SMG1: variants seen among roughly 807,000 people sequenced by gnomAD.
SMG1 encodes serine/threonine-protein kinase SMG1.
Under a neutral mutation model 419.9 loss-of-function variants are expected in SMG1, and 22 were observed. That is an observed-to-expected ratio of 0.05 (90% confidence interval 0.04 to 0.07). SMG1 has a LOEUF of 0.07. Ranked by LOEUF, SMG1 falls within the 10% of genes least tolerant of loss-of-function variation. The pLI is 1.00. For synonymous variants in SMG1, 1,538 were observed against 1,553.5 expected, an observed-to-expected ratio of 0.99 and a Z score of 0.23; for missense variants, 3,185 against 4,342.0, an observed-to-expected ratio of 0.73 and a Z score of 7.49.
rs1215625865 is a variant in SMG1, at chr16:18,805,455, G to A, written c.*4114C>T. On this transcript the variant is annotated 3_prime_UTR_variant, in exon 63 of 63. Coordinates refer to ENST00000446231, the MANE Select transcript of SMG1 (RefSeq NM_015092.5). The stretch of plus-strand genomic sequence containing the variant: ...TCCCATGGAAGGCAAACGACCCTAA[G>A]TAGTTCATATTTTACAGCCCTTGAA... 2 of 152,138 alleles carry A rather than the reference G, an allele frequency of 1.3e-5. No homozygotes were observed. The highest frequency in any genetic ancestry group is 4.1e-4 in the South Asian group (2 of 4,828). 9.4% of individuals were successfully genotyped at this position (152,138 alleles called of 1,614,324 possible). A position where few individuals can be genotyped will look rare whatever the true frequency, so the allele number is the denominator to read the frequency against.
At chr16:18,870,952 T>C in intron 16 of SMG1, 64 bp from the exon 17 acceptor site, 1 of 783,814 alleles carries the variant, frequency 1.3e-6, no homozygotes, top group Non-Finnish European at 2.1e-6. Context: ...CAGTTTGTCA[T>C]AATTATCTGA....
chr16:18,919,788 G>A lies in SMG1; in HGVS notation c.92+6162C>T, dbSNP rs775657866. On this transcript the variant is annotated intron_variant, in intron 1 of 62. Coordinates refer to ENST00000446231, the MANE Select transcript of SMG1 (RefSeq NM_015092.5). Reference sequence around the variant, plus strand: ...AACAAACCTTCCATTATACTAATTTGTAAAGGAATCAAAACAAAAGGGGTT... The same window carrying A: ...AACAAACCTTCCATTATACTAATTTATAAAGGAATCAAAACAAAAGGGGTT... 9.3e-5 allele frequency among the ~76,000 whole-genome samples: 14 copies of A among 151,256 alleles called. 1 individual carries two copies. The South Asian group carries it at 2.3e-3, about 25-fold the overall frequency.
chr16:18,832,809 G>C (rs1302121558), intron 51 of SMG1, 131 bp downstream of exon 51: 1 of 769,530 alleles, frequency 1.3e-6, no homozygotes, highest in South Asian at 1.7e-5. Context: ...AAAGATACGT[G>C]TATGAGCATT....
chr16:18,887,484 G>A (rs9924137), intron 6 of SMG1, among the ~76,000 whole-genome samples: 12,827 of 146,576 alleles, frequency 0.088, 710 homozygotes, highest in African/African-American at 0.16. Flanking sequence ...GACTACAGGT[G>A]CATGCCACCA....
intron 1 of SMG1, among the ~76,000 whole-genome samples, chr16:18,907,720 G>A (rs1043921989): frequency 1.3e-5 from 2 of 150,890 alleles, no homozygotes; most frequent in African/African-American, 4.9e-5. Flanking sequence ...GCCTGGTGGT[G>A]CAGCGCCTGT....
chr16:18,884,896 T>C (rs2141741688), intron 8 of SMG1, 194 bp downstream of exon 8: 1 of 586,170 alleles, frequency 1.7e-6, no homozygotes, highest in East Asian at 2.9e-5. Flanking sequence ...TGTCTGTACT[T>C]ACTGTACCCA....
intron 8 of SMG1, chr16:18,884,794 T>C: frequency 3.5e-6 from 1 of 285,908 alleles, no homozygotes; most frequent in Non-Finnish European, 6.4e-6. Flanking sequence ...AACTTGGATC[T>C]TCCATTGTCC....
chr16:18,872,664 A>C (rs1195445572), intron 13 of SMG1, 40 bp from the exon 14 acceptor site: 3 of 1,317,932 alleles, frequency 2.3e-6, no homozygotes, highest in Non-Finnish European at 3.1e-6. Context: ...TGGCTTCTCC[A>C]AAATAAGCAC....
intron 13 of SMG1, chr16:18,875,776 G>A: frequency 3.0e-6 from 1 of 334,230 alleles, no homozygotes; most frequent in Non-Finnish European, 5.4e-6. Flanking sequence ...GAAGAAGAAA[G>A]AGACCGCATT....
Position 18,926,050 on chromosome 16 carries a change from C to T in SMG1, c.-9G>A. 1 of 1,565,792 alleles carries T rather than the reference C, an allele frequency of 6.4e-7. No individual in the cohort carries two copies. The highest frequency in any genetic ancestry group is 8.6e-7 in the Non-Finnish European group (1 of 1,165,080). ...GGGGCTCTGCGGCTCATTACCTTCC[C>T]CGACACGACATGGCCAAGCGCCGCC... is the stretch of plus-strand genomic sequence containing the variant. On this transcript the variant is annotated 5_prime_UTR_variant, in exon 1 of 63. Transcript: ENST00000446231.
intron 4 of SMG1, 22 bp downstream of exon 4, chr16:18,892,196 T>C (rs1287773346): frequency 6.7e-7 from 1 of 1,481,890 alleles, no homozygotes; most frequent in South Asian, 1.2e-5. Flanking sequence ...AATCCTCATA[T>C]TTCCAAACAT....
chr16:18,894,014 G>A (rs922555775), intron 3 of SMG1, among the ~76,000 whole-genome samples: 3 of 150,356 alleles, frequency 2.0e-5, no homozygotes, highest in Non-Finnish European at 4.4e-5. Context: ...CTGAGATTGC[G>A]CCACTGCACT....
rs2035070107 is a variant in SMG1, at chr16:18,859,032, A to G, written c.4103T>C (p.Leu1368Pro). The G allele has an allele frequency of 6.6e-7, 1 of 1,524,768 alleles. No homozygotes were observed. Among genetic ancestry groups the G allele is most frequent in the African/African-American group, 1.4e-5 (1 of 72,734 alleles). The allele number at this position is 1,524,768 out of a possible 1,614,324, so 94.5% of individuals were successfully genotyped here. Reference protein sequence around the residue: ...SALENTVSNRLSTEDCLIPLF... With the variant: ...SALENTVSNRPSTEDCLIPLF... ...TAAAAATATACAGACCTCTGTTGAA[A>G]GTCTGTTAGAAACTGTGTTCTCCAA... Residue 1368 changes from leucine to proline, a missense_variant, in exon 28 of 63, where the codon CTT becomes CCT. Transcript: ENST00000446231.
chr16:18,888,002 T>C (rs2036709550), intron 6 of SMG1, among the ~76,000 whole-genome samples: 2 of 150,168 alleles, frequency 1.3e-5, no homozygotes, highest in African/African-American at 4.9e-5. Flanking sequence ...CCCATCTCTA[T>C]CAAAAATACA....
At chr16:18,852,764 T>C (rs1422370308) in intron 31 of SMG1, among the ~76,000 whole-genome samples, 1 of 152,360 alleles carries the variant, frequency 6.6e-6, no homozygotes, top group African/African-American at 2.4e-5. Flanking sequence ...TGCTGTAGAA[T>C]GTCTTGCATT....
chr16:18,920,875 C>T (rs1417166421), intron 1 of SMG1, among the ~76,000 whole-genome samples: 3 of 151,918 alleles, frequency 2.0e-5, no homozygotes, highest in Non-Finnish European at 4.4e-5. Flanking sequence ...TGGTGGCTCA[C>T]GTCTGTAATC....
intron 39 of SMG1, among the ~76,000 whole-genome samples, chr16:18,843,867 G>A (rs2967205): frequency 1 from 152,123 of 152,340 alleles, 75,954 homozygotes; most frequent in Middle Eastern, 1. Context: ...GGAGAGAAGT[G>A]GGACTTCTAT....
chr16:18,829,363 C>T lies in SMG1; in HGVS notation c.9526G>A (p.Val3176Met). Reference protein sequence around the residue: ...YDTAWKKHDLVRRLETSISSC... With the variant: ...YDTAWKKHDLMRRLETSISSC... ...GAAATACTGGTTTCTAGCCTTCGCA[C>T]CAAGTCATGCTTCTTCCAGGCAGTG... is the stretch of plus-strand genomic sequence containing the variant. The change falls in exon 54 of 63, where the codon GTG (valine) becomes ATG (methionine). Residue 3176 changes from valine (V) to methionine (M), a missense_variant. Coordinates refer to ENST00000446231, the MANE Select transcript of SMG1 (RefSeq NM_015092.5). 1.9e-6 allele frequency: 3 copies of T among 1,614,046 alleles called. No homozygotes were observed. The highest frequency in any genetic ancestry group is 2.5e-6 in the Non-Finnish European group (3 of 1,179,904).
rs1299459124 is a variant in SMG1, at chr16:18,806,668, ACT to A, written c.*2899_*2900del. On this transcript the variant is annotated 3_prime_UTR_variant, in exon 63 of 63. Coordinates refer to ENST00000446231, the MANE Select transcript of SMG1 (RefSeq NM_015092.5). ...AGATTGAACTTCAATTTCCAAGGGT[ACT>A]TTGAAGAGGTTGTTTGTAGGTTATT... 6.6e-6 allele frequency: 1 copy of A among 152,206 alleles called. No homozygotes were observed. The highest frequency in any genetic ancestry group is 6.5e-5 in the Admixed American group (1 of 15,272). The allele number at this position is 152,206 out of a possible 1,614,324, so 9.4% of individuals were successfully genotyped here. A position where few individuals can be genotyped will look rare whatever the true frequency, so the allele number is the denominator to read the frequency against.
Sources: gnomAD v4.1 joint callset for allele counts (sites outside exome capture counted in the v4.1 genomes callset) on GRCh38, gnomAD v4.1.1 for gene constraint, MANE v1.5 for transcripts, NCBI Gene and HGNC (gene_info 2026-07-23, HGNC 2026-07-21) for gene names.